ABCA13: variants seen among roughly 807,000 people sequenced by gnomAD.
ABCA13 encodes the protein ATP-binding cassette sub-family A member 13.
Under a neutral mutation model 478.7 loss-of-function variants are expected in ABCA13, and 476 were observed. The observed-to-expected ratio is 0.99, with a 90% CI of 0.92 to 1.07. The LOEUF is 1.07. Among genes scored for constraint, ABCA13 ranks in the 50% least tolerant of loss-of-function variants. ABCA13 has a pLI of 0.00. For synonymous variants in ABCA13, 2,252 were observed against 2,158.9 expected (o/e 1.04, Z -1.20); for missense variants, 6,060 against 5,910.6 (o/e 1.03, Z -0.83).
At chr7:48,286,286 C>T (rs1797726690) in intron 19 of ABCA13, among the ~76,000 whole-genome samples, 2 of 152,148 alleles carry the variant, frequency 1.3e-5, no homozygotes, top group Admixed American at 1.3e-4. Context: ...CAGTATCACA[C>T]ACAGGGTTTT....
chr7:48,270,855 C>T (rs1795503324), intron 16 of ABCA13, among the ~76,000 whole-genome samples: 1 of 152,142 alleles, frequency 6.6e-6, no homozygotes, highest in African/African-American at 2.4e-5. Flanking sequence ...ATTCCTTACC[C>T]ACAATTCTGA....
intron 27 of ABCA13, among the ~76,000 whole-genome samples, chr7:48,334,427 C>T (rs767799456): frequency 8.5e-5 from 13 of 152,060 alleles, no homozygotes; most frequent in Admixed American, 4.6e-4. Context: ...CTCCACCTCC[C>T]GGGTTCATGC....
At chr7:48,246,153 AG>A (rs1791642892) in intron 13 of ABCA13, 123 bp downstream of exon 13, 1 of 1,065,468 alleles carries the variant, frequency 9.4e-7, no homozygotes, top group Middle Eastern at 3.2e-4. Context: ...ACACACTTAA[AG>A]GAAGCTGGCT....
intron 55 of ABCA13, among the ~76,000 whole-genome samples, chr7:48,546,532 C>T (rs752849092): frequency 7.3e-5 from 11 of 151,574 alleles, no homozygotes; most frequent in Middle Eastern, 3.4e-3. Context: ...GTTAGATTAT[C>T]AGACAATTAA....
chr7:48,385,859 G>A (rs539200623), intron 35 of ABCA13, among the ~76,000 whole-genome samples: 2 of 152,250 alleles, frequency 1.3e-5, no homozygotes, highest in African/African-American at 4.8e-5. Flanking sequence ...ATTCTGACTG[G>A]TGTGAGATGG....
At position 48,392,097 on chromosome 7, in the gene ABCA13, C is replaced by CCA. The variant is rs1554489957; in HGVS notation, c.11831_11832insCA (p.Pro3945SerfsTer22). ...TTGCTGCTCTTTGCTTCCATAAAGG[C>CCA]GCCTCAGTGGACCAAGAAGGAGCTG... is the stretch of plus-strand genomic sequence containing the variant. On this transcript the variant is annotated frameshift_variant, in exon 38 of 62. Coordinates refer to ENST00000435803, the MANE Select transcript of ABCA13 (RefSeq NM_152701.5). LOFTEE classifies it high-confidence loss of function. 6.2e-6 allele frequency: 10 copies of CCA among 1,613,810 alleles called. No homozygotes were observed. Among genetic ancestry groups the CCA allele is most frequent in the Non-Finnish European group, 8.5e-6 (10 of 1,179,886 alleles).
At chr7:48,436,080 G>C (rs1183102550) in intron 42 of ABCA13, among the ~76,000 whole-genome samples, 2 of 151,136 alleles carry the variant, frequency 1.3e-5, no homozygotes, top group African/African-American at 4.9e-5. Flanking sequence ...TTTTTTCAAA[G>C]AGTTCTAGGA....
At chr7:48,185,594 C>T (rs955274218) in intron 1 of ABCA13, among the ~76,000 whole-genome samples, 2 of 152,082 alleles carry the variant, frequency 1.3e-5, no homozygotes, top group African/African-American at 4.8e-5. Context: ...ATATATTTAG[C>T]TTCTTTTTGC....
chr7:48,629,838 G>A (rs1447953299), intron 59 of ABCA13, among the ~76,000 whole-genome samples: 1 of 151,888 alleles, frequency 6.6e-6, no homozygotes, highest in African/African-American at 2.4e-5. Flanking sequence ...CACGTGGCTA[G>A]CCCAAAGTAA....
At chr7:48,549,493 C>A (rs969118034) in intron 55 of ABCA13, among the ~76,000 whole-genome samples, 1 of 151,810 alleles carries the variant, frequency 6.6e-6, no homozygotes, top group Non-Finnish European at 1.5e-5. Context: ...GGTTCCATGT[C>A]TTTGCTACCA....
chr7:48,370,321 G>A (rs1812432033), intron 32 of ABCA13, among the ~76,000 whole-genome samples: 1 of 151,962 alleles, frequency 6.6e-6, no homozygotes, highest in Non-Finnish European at 1.5e-5. Flanking sequence ...CTAGGTATAT[G>A]ATATTATCAT....
chr7:48,498,450 C>A (rs535832889), intron 48 of ABCA13, among the ~76,000 whole-genome samples: 6 of 152,224 alleles, frequency 3.9e-5, no homozygotes, highest in Non-Finnish European at 8.8e-5. Flanking sequence ...AGTCTCAGGG[C>A]ACCATCATCT....
intron 41 of ABCA13, among the ~76,000 whole-genome samples, chr7:48,423,647 C>T (rs1469109235): frequency 1.3e-5 from 2 of 152,134 alleles, no homozygotes; most frequent in Non-Finnish European, 2.9e-5. Context: ...AGATGTAGAT[C>T]CCCAAATGAA....
chr7:48,179,158 G>T (rs947581096), intron 1 of ABCA13, among the ~76,000 whole-genome samples: 4 of 152,050 alleles, frequency 2.6e-5, no homozygotes, highest in African/African-American at 4.8e-5. Flanking sequence ...TACAGGAAAG[G>T]TTTTAAAAAC....
intron 23 of ABCA13, among the ~76,000 whole-genome samples, chr7:48,301,515 C>T (rs1389333002): frequency 3.3e-5 from 5 of 151,814 alleles, no homozygotes; most frequent in Non-Finnish European, 4.4e-5. Flanking sequence ...TCAAAATTTG[C>T]TCATTCTTTT....
At chr7:48,462,884 C>G (rs187199463) in intron 43 of ABCA13, among the ~76,000 whole-genome samples, 1 of 152,150 alleles carries the variant, frequency 6.6e-6, no homozygotes, top group Non-Finnish European at 1.5e-5. Context: ...TTTAGAACTC[C>G]TAGCACATCT....
intron 45 of ABCA13, among the ~76,000 whole-genome samples, chr7:48,478,402 C>T (rs371963125): frequency 2.0e-5 from 3 of 151,318 alleles, no homozygotes; most frequent in South Asian, 4.2e-4. Context: ...GGAAAACTTG[C>T]CCTTCATCCT....
Position 48,273,453 on chromosome 7 carries a change from G to A in ABCA13, c.3787G>A (p.Ala1263Thr), listed in dbSNP as rs752504452. The A allele has an allele frequency of 1.2e-6, 2 of 1,612,148 alleles. No homozygotes were observed. The highest frequency in any genetic ancestry group is 4.5e-5 in the East Asian group (2 of 44,826). Residue 1263 changes from alanine to threonine, a missense_variant, in exon 17 of 62, where the codon GCC becomes ACC. By Grantham distance (58) the Ala-to-Thr change is moderately conservative (BLOSUM62 0). Coordinates refer to ENST00000435803, the MANE Select transcript of ABCA13 (RefSeq NM_152701.5). Reference sequence around the variant, plus strand: ...GAAATCCCTTTTCACCATGGAAGCTGCCCTGCATCAGTTGAAGACATTTCC... The same window carrying A: ...GAAATCCCTTTTCACCATGGAAGCTACCCTGCATCAGTTGAAGACATTTCC... ...VEKSLFTMEAALHQLKTFPFN... is the reference protein window; with the variant it reads ...VEKSLFTMEATLHQLKTFPFN...
chr7:48,620,615 T>C (rs1193533893), intron 59 of ABCA13, among the ~76,000 whole-genome samples: 3 of 152,322 alleles, frequency 2.0e-5, no homozygotes, highest in African/African-American at 7.2e-5. Context: ...CTGTCTCAGC[T>C]GTTACTTTGT....
Sources: allele counts gnomAD v4.1 joint callset (sites outside exome capture counted in the v4.1 genomes callset), GRCh38; gene constraint gnomAD v4.1.1; transcripts MANE v1.5; gene names NCBI Gene and HGNC (gene_info 2026-07-23, HGNC 2026-07-21).